The following ARHGAP24 variants were observed in gnomAD, a reference collection of about 807,000 sequenced individuals.
ARHGAP24 encodes the protein Rho GTPase activating protein 24, also known as rho GTPase-activating protein 24.
In ARHGAP24, 50 loss-of-function variants were observed where a neutral mutation model predicts 76.4. That is an observed-to-expected ratio of 0.65 (90% CI 0.52 to 0.83). The LOEUF is 0.83. Ranked by LOEUF, ARHGAP24 falls within the 40% of genes least tolerant of loss-of-function variation. The pLI is 0.00. For synonymous variants in ARHGAP24, 345 were observed against 323.3 expected (o/e 1.07, Z -0.72); for missense variants, 930 against 914.2 (o/e 1.02, Z -0.22).
At chr4:85,807,070 G>T (rs1021565505) in intron 3 of ARHGAP24, among the ~76,000 whole-genome samples, 4 of 152,008 alleles carry the variant, frequency 2.6e-5, no homozygotes, top group Non-Finnish European at 4.4e-5. Flanking sequence ...GTAAAATTGT[G>T]TATTTTTAAC....
intron 1 of ARHGAP24, among the ~76,000 whole-genome samples, chr4:85,544,053 G>A (rs952740027): frequency 6.6e-6 from 1 of 152,026 alleles, no homozygotes; most frequent in Non-Finnish European, 1.5e-5. Flanking sequence ...AAACAGCTTT[G>A]TTCTCCTCCC....
chr4:85,724,491 G>GTATATATATA (rs60930279), intron 3 of ARHGAP24, among the ~76,000 whole-genome samples: 1 of 10,708 alleles, frequency 9.3e-5, no homozygotes, highest in African/African-American at 1.2e-4. Flanking sequence ...TTCCATGTGT[G>GTATATATATA]TATATATATA....
At chr4:85,752,413 C>T (rs1726297950) in intron 3 of ARHGAP24, among the ~76,000 whole-genome samples, 1 of 152,142 alleles carries the variant, frequency 6.6e-6, no homozygotes. Context: ...CACATTCTTG[C>T]ATCAGTGTGA....
chr4:85,709,113 T>C (rs1724426894), intron 2 of ARHGAP24, among the ~76,000 whole-genome samples: 1 of 152,144 alleles, frequency 6.6e-6, no homozygotes, highest in African/African-American at 2.4e-5. Flanking sequence ...GGTCTATTCT[T>C]GAGGTCTTTA....
At chr4:85,538,508 A>G (rs930488006) in intron 1 of ARHGAP24, among the ~76,000 whole-genome samples, 1 of 152,136 alleles carries the variant, frequency 6.6e-6, no homozygotes, top group Non-Finnish European at 1.5e-5. Flanking sequence ...ATGGCCTCCA[A>G]GTGCCCCTCT....
At chr4:85,718,271 T>C (rs768195380) in intron 2 of ARHGAP24, among the ~76,000 whole-genome samples, 2 of 152,152 alleles carry the variant, frequency 1.3e-5, no homozygotes, top group Non-Finnish European at 2.9e-5. Context: ...TTAAAAATGA[T>C]GTAGATGACT....
intron 3 of ARHGAP24, among the ~76,000 whole-genome samples, chr4:85,866,678 C>T (rs573008274): frequency 7.2e-5 from 11 of 152,156 alleles, no homozygotes; most frequent in Admixed American, 2.6e-4. Context: ...TCATCCTGTT[C>T]TCTGCTCTGG....
At chr4:85,721,790 G>A in intron 2 of ARHGAP24, 95 bp from the exon 3 acceptor site, 1 of 1,073,528 alleles carries the variant, frequency 9.3e-7, no homozygotes, top group Non-Finnish European at 1.4e-6. Context: ...TGTATACTGG[G>A]TTATAGCTAC....
chr4:85,992,220 C>A (rs1286493358), intron 8 of ARHGAP24: 1 of 396,972 alleles, frequency 2.5e-6, no homozygotes, highest in African/African-American at 2.1e-5. Flanking sequence ...TACAGTGGCA[C>A]ACACATCATC....
chr4:85,554,647 C>A (rs1199187983), intron 1 of ARHGAP24, among the ~76,000 whole-genome samples: 1 of 151,774 alleles, frequency 6.6e-6, no homozygotes, highest in East Asian at 1.9e-4. Context: ...CAGTTTGGTT[C>A]TTTTTATTTT....
In ARHGAP24 at chr4:85,663,955, A is replaced by T. The variant is rs1008342451; in HGVS notation, c.181-57930A>T. On this transcript the variant is annotated intron_variant, in intron 2 of 9. Transcript: ENST00000395184. ...ATTGAGGATTTTTGTATCAATGTTC[A>T]TCAAGGATATTGGTCTAAAATTCTC... is the stretch of plus-strand genomic sequence containing the variant. Among the ~76,000 whole-genome samples the T allele has an allele frequency of 6.0e-4, 91 of 152,088 alleles. 1 individual carries two copies. Among genetic ancestry groups the T allele is most frequent in the Admixed American group, 3.7e-3 (56 of 15,290 alleles).
At chr4:85,659,845 G>A (rs1722312672) in intron 2 of ARHGAP24, among the ~76,000 whole-genome samples, 1 of 152,140 alleles carries the variant, frequency 6.6e-6, no homozygotes, top group Non-Finnish European at 1.5e-5. Flanking sequence ...TCCAGGGGTA[G>A]TACCACACAC....
chr4:85,518,554 A>G (rs2110109752), intron 1 of ARHGAP24, among the ~76,000 whole-genome samples: 1 of 152,004 alleles, frequency 6.6e-6, no homozygotes, highest in Non-Finnish European at 1.5e-5. Flanking sequence ...AGTTTATTGT[A>G]TTATTCTTTT....
chr4:85,957,199 T>G (rs1737969277), intron 5 of ARHGAP24, among the ~76,000 whole-genome samples: 3 of 152,170 alleles, frequency 2.0e-5, no homozygotes, highest in Admixed American at 2.0e-4. Context: ...CCCTCATGAT[T>G]TTAGCCATTT....
intron 2 of ARHGAP24, among the ~76,000 whole-genome samples, chr4:85,669,121 C>T (rs1722735282): frequency 6.6e-6 from 1 of 152,134 alleles, no homozygotes; most frequent in South Asian, 2.1e-4. Context: ...AGTGACCACA[C>T]TATTCATTGT....
At chr4:85,908,108 C>G (rs1314948140) in intron 3 of ARHGAP24, among the ~76,000 whole-genome samples, 1 of 151,302 alleles carries the variant, frequency 6.6e-6, no homozygotes, top group African/African-American at 2.4e-5. Flanking sequence ...TTATATTCCT[C>G]TCCCCATCTA....
chr4:85,581,081 C>G (rs1459684377), intron 2 of ARHGAP24, among the ~76,000 whole-genome samples: 1 of 152,048 alleles, frequency 6.6e-6, no homozygotes, highest in East Asian at 1.9e-4. Flanking sequence ...TTGTAAAAAT[C>G]CTTCCTGTTT....
At chr4:85,582,013 G>A (rs1451526301) in intron 2 of ARHGAP24, among the ~76,000 whole-genome samples, 1 of 151,984 alleles carries the variant, frequency 6.6e-6, no homozygotes, top group Non-Finnish European at 1.5e-5. Flanking sequence ...GTTTTGTGTA[G>A]CCCCACAAAA....
intron 3 of ARHGAP24, among the ~76,000 whole-genome samples, chr4:85,823,363 T>C (rs982434228): frequency 6.6e-6 from 1 of 152,152 alleles, no homozygotes; most frequent in African/African-American, 2.4e-5. Flanking sequence ...CCTAACACAG[T>C]CCTCTAATTT....
Sources: gnomAD v4.1 joint callset for allele counts (sites outside exome capture counted in the v4.1 genomes callset) on GRCh38, gnomAD v4.1.1 for gene constraint, MANE v1.5 for transcripts, NCBI Gene and HGNC (gene_info 2026-07-23, HGNC 2026-07-21) for gene names.